Variants in EPB41L2 observed in about 807,000 individuals in gnomAD.
EPB41L2 encodes band 4.1-like protein 2.
Under a neutral mutation model 113.0 loss-of-function variants are expected in EPB41L2, and 43 were observed. The ratio of observed to expected loss-of-function variants is 0.38; its 90% CI spans 0.30 to 0.49. The LOEUF (loss-of-function observed/expected upper bound fraction) is 0.49. Ranked by LOEUF, EPB41L2 falls within the 20% of genes least tolerant of loss-of-function variation. The probability of loss-of-function intolerance (pLI) is 0.95; values close to 1 mark genes in which losing one functional copy is unlikely to be tolerated. For missense variants in EPB41L2, 1,147 were observed against 1,223.4 expected (o/e 0.94, Z 0.93); for synonymous variants, 442 against 436.7 (o/e 1.01, Z -0.15).
intron 3 of EPB41L2, among the ~76,000 whole-genome samples, chr6:130,939,760 A>G (rs1190799321): frequency 6.6e-6 from 1 of 152,236 alleles, no homozygotes; most frequent in Non-Finnish European, 1.5e-5. Flanking sequence ...TACCACAATC[A>G]AAAGTCTTTT....
At chr6:131,053,430 A>G (rs951327206) in intron 1 of EPB41L2, among the ~76,000 whole-genome samples, 4 of 110,066 alleles carry the variant, frequency 3.6e-5, no homozygotes, top group African/African-American at 1.1e-4. Flanking sequence ...GAACATGGAA[A>G]TGATAAAAAA....
At chr6:130,856,483 T>C (rs1482783052) in intron 19 of EPB41L2, among the ~76,000 whole-genome samples, 1 of 152,196 alleles carries the variant, frequency 6.6e-6, no homozygotes, top group Non-Finnish European at 1.5e-5. Flanking sequence ...AATAACCATA[T>C]GAAAATATAT....
chr6:131,027,444 TG>T (rs1280548119), intron 1 of EPB41L2, among the ~76,000 whole-genome samples: 1 of 152,046 alleles, frequency 6.6e-6, no homozygotes, highest in African/African-American at 2.4e-5. Flanking sequence ...CCAACATAGC[TG>T]TTATAGCTCC....
At chr6:131,012,264 T>C (rs902934557) in intron 1 of EPB41L2, among the ~76,000 whole-genome samples, 2 of 151,590 alleles carry the variant, frequency 1.3e-5, no homozygotes, top group South Asian at 4.2e-4. Flanking sequence ...AAAAATCTCA[T>C]GAAGTCAGAG....
chr6:130,893,187 A>G (rs1793527124), intron 10 of EPB41L2, among the ~76,000 whole-genome samples: 1 of 152,224 alleles, frequency 6.6e-6, no homozygotes, highest in African/African-American at 2.4e-5. Flanking sequence ...TTTTTTAAAG[A>G]GCAAGATGTG....
At chr6:130,974,462 C>G (rs929614366) in intron 1 of EPB41L2, among the ~76,000 whole-genome samples, 1 of 152,112 alleles carries the variant, frequency 6.6e-6, no homozygotes, top group Admixed American at 6.5e-5. Context: ...AGATCCTACT[C>G]AGGAGACCTG....
chr6:131,021,395 C>CA (rs1422699195), intron 1 of EPB41L2, among the ~76,000 whole-genome samples: 3 of 152,088 alleles, frequency 2.0e-5, no homozygotes, highest in African/African-American at 2.4e-5. Context: ...TGATACAAAA[C>CA]AAAAAAATGA....
At chr6:130,925,615 T>C (rs1452002345) in intron 4 of EPB41L2, among the ~76,000 whole-genome samples, 3 of 152,180 alleles carry the variant, frequency 2.0e-5, no homozygotes, top group Non-Finnish European at 4.4e-5. Flanking sequence ...AATCTACCAG[T>C]ATGTGATCTC....
intron 1 of EPB41L2, among the ~76,000 whole-genome samples, chr6:131,025,191 C>T (rs1790572848): frequency 6.6e-6 from 1 of 152,158 alleles, no homozygotes; most frequent in Non-Finnish European, 1.5e-5. Flanking sequence ...AGGTGCCTTT[C>T]TAAGGCCTGT....
intron 4 of EPB41L2, among the ~76,000 whole-genome samples, chr6:130,914,068 G>GT (rs1400398859): frequency 6.6e-6 from 1 of 152,124 alleles, no homozygotes; most frequent in East Asian, 1.9e-4. Context: ...TAAAATTCTG[G>GT]TTTTCTATCA....
rs551602031 is a variant in EPB41L2, at chr6:130,942,921, C to T, written c.705+12184G>A. ...TTCATCCATGTCCCTGCAAAGGACA[C>T]GAACTGATGCTTTTTTATGGCTGCA... On this transcript the variant is annotated intron_variant, in intron 3 of 19. Transcript: ENST00000337057. 5.9e-5 allele frequency among the ~76,000 whole-genome samples: 9 copies of T among 152,290 alleles called. No individual in the cohort carries two copies. In the East Asian group the frequency reaches 1.2e-3, roughly 20 times the overall value.
At chr6:130,925,190 C>CTTTTTTT (rs398048854) in intron 4 of EPB41L2, among the ~76,000 whole-genome samples, 8 of 130,432 alleles carry the variant, frequency 6.1e-5, no homozygotes, top group African/African-American at 2.1e-4. Context: ...GATTTCTTTT[C>CTTTTTTT]TTTTTTTTTT....
intron 1 of EPB41L2, among the ~76,000 whole-genome samples, chr6:130,988,824 C>T (rs1040185963): frequency 6.6e-6 from 1 of 152,234 alleles, no homozygotes; most frequent in Non-Finnish European, 1.5e-5. Context: ...CACAGTGACT[C>T]ATGCCTGTAA....
intron 1 of EPB41L2, among the ~76,000 whole-genome samples, chr6:131,026,309 C>T (rs1434936197): frequency 6.6e-6 from 1 of 152,220 alleles, no homozygotes; most frequent in Non-Finnish European, 1.5e-5. Context: ...CCATAATACA[C>T]CATCTGACAA....
chr6:130,999,342 T>C (rs1020181317), intron 1 of EPB41L2, among the ~76,000 whole-genome samples: 1 of 152,206 alleles, frequency 6.6e-6, no homozygotes, highest in Non-Finnish European at 1.5e-5. Context: ...TAATATATGT[T>C]GGGCAGAAAG....
intron 1 of EPB41L2, among the ~76,000 whole-genome samples, chr6:130,977,734 G>C (rs1268676180): frequency 1.3e-5 from 2 of 152,182 alleles, no homozygotes; most frequent in Admixed American, 1.3e-4. Flanking sequence ...CAAACAGCTT[G>C]AGATATGCTC....
intron 4 of EPB41L2, among the ~76,000 whole-genome samples, chr6:130,924,837 T>C (rs781678383): frequency 6.6e-6 from 1 of 152,194 alleles, no homozygotes; most frequent in African/African-American, 2.4e-5. Context: ...GAGATCCTTA[T>C]AGGTGTGATA....
chr6:131,053,343 T>C (rs1009935839), intron 1 of EPB41L2, among the ~76,000 whole-genome samples: 1 of 150,186 alleles, frequency 6.7e-6, no homozygotes, highest in African/African-American at 2.5e-5. Flanking sequence ...CTGTCACGGT[T>C]ACTACTTGAG....
intron 13 of EPB41L2, 123 bp downstream of exon 13, chr6:130,880,021 A>T: frequency 1.5e-6 from 1 of 674,296 alleles, no homozygotes; most frequent in South Asian, 2.0e-5. Flanking sequence ...TCCCGAGCTG[A>T]ATTCCCCCAT....
Sources: allele counts gnomAD v4.1 joint callset (sites outside exome capture counted in the v4.1 genomes callset), GRCh38; gene constraint gnomAD v4.1.1; transcripts MANE v1.5; gene names NCBI Gene and HGNC (gene_info 2026-07-23, HGNC 2026-07-21).